Variants in FSTL4 observed in about 807,000 individuals in gnomAD.
FSTL4 encodes follistatin-related protein 4.
In FSTL4, 28 loss-of-function variants were observed where a neutral mutation model predicts 78.2. That is an observed-to-expected ratio of 0.36 (90% confidence interval 0.27 to 0.49). The LOEUF is 0.49. Among genes scored for constraint, FSTL4 ranks in the 20% least tolerant of loss-of-function variants. The pLI is 0.98. For synonymous variants in FSTL4, 422 were observed against 440.5 expected, an observed-to-expected ratio of 0.96 and a Z score of 0.53; for missense variants, 922 against 1,084.9, an observed-to-expected ratio of 0.85 and a Z score of 2.11.
the FSTL4 span, among the ~76,000 whole-genome samples, chr5:133,627,827 A>G: frequency 6.6e-6 from 1 of 151,512 alleles, no homozygotes; most frequent in African/African-American, 2.4e-5. Context: ...GCCTTCTTTC[A>G]CATTAAACTT....
At chr5:133,601,553 G>T (rs562320744) in intron 2 of FSTL4, among the ~76,000 whole-genome samples, 1 of 152,202 alleles carries the variant, frequency 6.6e-6, no homozygotes, top group African/African-American at 2.4e-5. Flanking sequence ...CGAGGCCCCT[G>T]GTGGGCAGGG....
At chr5:133,718,100 T>C in the FSTL4 span, among the ~76,000 whole-genome samples, 1 of 128,042 alleles carries the variant, frequency 7.8e-6, no homozygotes, top group African/African-American at 2.9e-5. Context: ...TGGTTTTTGG[T>C]TTTTTTTTTT....
chr5:133,772,371 T>G, the FSTL4 span, among the ~76,000 whole-genome samples: 1 of 152,220 alleles, frequency 6.6e-6, no homozygotes, highest in Non-Finnish European at 1.5e-5. Flanking sequence ...TAGTGCAAAA[T>G]GCAAGAATCC....
the FSTL4 span, among the ~76,000 whole-genome samples, chr5:133,660,527 G>A: frequency 6.6e-6 from 1 of 152,174 alleles, no homozygotes; most frequent in Non-Finnish European, 1.5e-5. Context: ...ATTCCCAGAT[G>A]TGAGTAAGAC....
At chr5:133,632,943 C>T in the FSTL4 span, among the ~76,000 whole-genome samples, 15 of 152,188 alleles carry the variant, frequency 9.9e-5, no homozygotes, top group Admixed American at 7.2e-4. Flanking sequence ...ACAACCTGAC[C>T]TCCCAAAGTG....
At chr5:133,341,075 C>A (rs1026614565) in intron 4 of FSTL4, among the ~76,000 whole-genome samples, 1 of 152,164 alleles carries the variant, frequency 6.6e-6, no homozygotes, top group African/African-American at 2.4e-5. Context: ...CACTCTCATT[C>A]GCATCACACA....
chr5:133,669,303 G>C, the FSTL4 span, among the ~76,000 whole-genome samples: 2 of 152,220 alleles, frequency 1.3e-5, no homozygotes, highest in Non-Finnish European at 2.9e-5. Flanking sequence ...AGATGGGGGG[G>C]CAAGAGGGAG....
At chr5:133,409,401 T>C (rs1335597028) in intron 3 of FSTL4, among the ~76,000 whole-genome samples, 2 of 152,188 alleles carry the variant, frequency 1.3e-5, no homozygotes, top group African/African-American at 4.8e-5. Context: ...GGGAGCCCTT[T>C]GCACTGTGTG....
chr5:133,204,761 G>A (rs1042722405), intron 14 of FSTL4, among the ~76,000 whole-genome samples: 2 of 151,252 alleles, frequency 1.3e-5, no homozygotes, highest in Non-Finnish European at 2.9e-5. Context: ...GTTTGAACCC[G>A]GGAAGAGGAG....
At chr5:133,732,683 C>T in the FSTL4 span, among the ~76,000 whole-genome samples, 1 of 152,214 alleles carries the variant, frequency 6.6e-6, no homozygotes, top group African/African-American at 2.4e-5. Context: ...CCAGATCCTG[C>T]GCTTGCCCAC....
At chr5:133,764,948 C>G in the FSTL4 span, among the ~76,000 whole-genome samples, 1 of 152,224 alleles carries the variant, frequency 6.6e-6, no homozygotes, top group African/African-American at 2.4e-5. Flanking sequence ...TGCAAATTAT[C>G]TTTTCCTCAC....
chr5:133,681,289 G>A, the FSTL4 span, among the ~76,000 whole-genome samples: 1 of 152,226 alleles, frequency 6.6e-6, no homozygotes, highest in Non-Finnish European at 1.5e-5. Flanking sequence ...TGAGGCCTGG[G>A]CCAGAAGCGG....
At chr5:133,334,046 T>G (rs1754409588) in intron 4 of FSTL4, 1 of 152,256 alleles carries the variant, frequency 6.6e-6, no homozygotes, top group African/African-American at 2.4e-5. Context: ...CAACAGGAGA[T>G]CTTTGTTTTC....
the FSTL4 span, among the ~76,000 whole-genome samples, chr5:133,735,638 C>A: frequency 5.3e-5 from 8 of 152,180 alleles, no homozygotes; most frequent in Non-Finnish European, 1.2e-4. Flanking sequence ...CTGAGGATTT[C>A]TTTGCAACTA....
the FSTL4 span, among the ~76,000 whole-genome samples, chr5:133,647,189 T>G: frequency 7.2e-5 from 11 of 152,122 alleles, no homozygotes; most frequent in Non-Finnish European, 1.2e-4. Context: ...TTGACTCCAT[T>G]GGTGGCATCA....
intron 4 of FSTL4, among the ~76,000 whole-genome samples, chr5:133,373,283 T>C (rs17684938): frequency 0.15 from 22,125 of 152,218 alleles, 1,699 homozygotes; most frequent in African/African-American, 0.17. Context: ...AGAGCTGACA[T>C]GACACCACCA....
chr5:133,837,706 G>C, the FSTL4 span, among the ~76,000 whole-genome samples: 1 of 152,098 alleles, frequency 6.6e-6, no homozygotes, highest in Non-Finnish European at 1.5e-5. Flanking sequence ...CTATCTGGTA[G>C]AACCACAATT....
At chr5:133,841,383 G>A in the FSTL4 span, among the ~76,000 whole-genome samples, 3 of 152,154 alleles carry the variant, frequency 2.0e-5, no homozygotes, top group Admixed American at 6.5e-5. Flanking sequence ...CGGTATCACC[G>A]CACCCAGCAC....
At chr5:133,375,598 C>T (rs1363719984) in intron 4 of FSTL4, among the ~76,000 whole-genome samples, 1 of 151,968 alleles carries the variant, frequency 6.6e-6, no homozygotes, top group Non-Finnish European at 1.5e-5. Flanking sequence ...AGGAAATAAA[C>T]TGGTTAGTAA....
Sources: allele counts gnomAD v4.1 joint callset (sites outside exome capture counted in the v4.1 genomes callset), GRCh38; gene constraint gnomAD v4.1.1; transcripts MANE v1.5; gene names NCBI Gene and HGNC (gene_info 2026-07-23, HGNC 2026-07-21).